The following VAV2 variants were observed in gnomAD, a reference collection of about 807,000 sequenced individuals.
The protein encoded by VAV2 is vav guanine nucleotide exchange factor 2.
In VAV2, 67 loss-of-function variants were observed where a neutral mutation model predicts 132.5. That is an observed-to-expected ratio of 0.51 (90% CI 0.42 to 0.62). The LOEUF (loss-of-function observed/expected upper bound fraction) is 0.62, where lower values mean the gene tolerates loss of function less well. Ranked by LOEUF, VAV2 falls within the 20% of genes least tolerant of loss-of-function variation. The pLI is 0.00. For synonymous variants in VAV2, 492 were observed against 443.5 expected (o/e 1.11, Z -1.37); for missense variants, 938 against 1,153.6 (o/e 0.81, Z 2.71).
At position 133,768,312 on chromosome 9, in the gene VAV2, G is replaced by T; in HGVS notation, c.2589+130C>A. 2 of 1,300,044 alleles carry T rather than the reference G, an allele frequency of 1.5e-6. No individual in the cohort carries two copies. Among genetic ancestry groups the T allele is most frequent in the Non-Finnish European group, 2.1e-6 (2 of 959,110 alleles). 80.5% of individuals were successfully genotyped at this position (1,300,044 alleles called of 1,614,324 possible). A position where few individuals can be genotyped will look rare whatever the true frequency, so the allele number is the denominator to read the frequency against. On this transcript the variant is annotated intron_variant, in intron 29 of 29. Transcript: ENST00000371850. This position sits in a 1 kb window ranked among gnomAD's most constrained non-coding sequence, Gnocchi z 5.3. ...ACCTTCTGGGCTGCTGTGAGGATGA[G>T]GGAGATTGCAGAGGGTGTCTGGAAC...
At chr9:133,771,871 G>T in intron 26 of VAV2, 88 bp downstream of exon 26, 1 of 1,269,866 alleles carries the variant, frequency 7.9e-7, no homozygotes, top group Non-Finnish European at 1.1e-6. Flanking sequence ...AATCCTCACA[G>T]AAAACATGGC....
At chr9:133,915,510 C>T (rs879818625) in intron 2 of VAV2, among the ~76,000 whole-genome samples, 1 of 152,226 alleles carries the variant, frequency 6.6e-6, no homozygotes, top group African/African-American at 2.4e-5. Flanking sequence ...ACCCTGAAAA[C>T]AGGAGCCCTC....
At chr9:133,805,462 C>T (rs1468837547) in intron 9 of VAV2, among the ~76,000 whole-genome samples, 1 of 152,176 alleles carries the variant, frequency 6.6e-6, no homozygotes, top group African/African-American at 2.4e-5. Flanking sequence ...ATCTCCCCAG[C>T]CTCTGACAGC....
At chr9:133,889,563 A>C (rs1838848639) in intron 2 of VAV2, among the ~76,000 whole-genome samples, 1 of 152,178 alleles carries the variant, frequency 6.6e-6, no homozygotes, top group Admixed American at 6.5e-5. Context: ...GCCTTGGGGC[A>C]GGTGTGGGCA....
At chr9:133,893,295 G>A (rs1397603151) in intron 2 of VAV2, among the ~76,000 whole-genome samples, 1 of 152,220 alleles carries the variant, frequency 6.6e-6, no homozygotes, top group Non-Finnish European at 1.5e-5. Flanking sequence ...GGCTGAAGAG[G>A]AAGGGAAGAA....
At chr9:133,817,849 C>A (rs1835621709) in intron 4 of VAV2, among the ~76,000 whole-genome samples, 1 of 152,128 alleles carries the variant, frequency 6.6e-6, no homozygotes, top group Non-Finnish European at 1.5e-5. Flanking sequence ...TCCTCTAAGT[C>A]CGTGACCGTA....
chr9:133,955,912 T>C (rs2132202313), intron 1 of VAV2, among the ~76,000 whole-genome samples: 1 of 149,436 alleles, frequency 6.7e-6, no homozygotes, highest in South Asian at 2.2e-4. Flanking sequence ...TTCCTGCCGC[T>C]TCCGCTCAGC....
chr9:133,844,196 T>C (rs969429774), intron 3 of VAV2, among the ~76,000 whole-genome samples: 1 of 152,176 alleles, frequency 6.6e-6, no homozygotes, highest in Non-Finnish European at 1.5e-5. Flanking sequence ...CAGAGGAATG[T>C]GACTTCTCAG....
chr9:133,914,318 G>A (rs1394390557), intron 2 of VAV2, among the ~76,000 whole-genome samples: 1 of 152,098 alleles, frequency 6.6e-6, no homozygotes, highest in East Asian at 1.9e-4. Flanking sequence ...ACCGGGACAC[G>A]AATGTCCCCA....
At chr9:133,817,143 C>T (rs1564374678) in intron 4 of VAV2, among the ~76,000 whole-genome samples, 1 of 152,194 alleles carries the variant, frequency 6.6e-6, no homozygotes, top group Non-Finnish European at 1.5e-5. Context: ...TTAAGTCTTC[C>T]TTAATTTCTC....
At chr9:133,898,908 G>A (rs1839329336) in intron 2 of VAV2, among the ~76,000 whole-genome samples, 1 of 145,518 alleles carries the variant, frequency 6.9e-6, no homozygotes, top group African/African-American at 2.6e-5. Context: ...TGCAAGCTCC[G>A]CCTCCAGGGT....
At chr9:133,855,927 G>A (rs918741287) in intron 3 of VAV2, among the ~76,000 whole-genome samples, 5 of 152,210 alleles carry the variant, frequency 3.3e-5, no homozygotes, top group Non-Finnish European at 5.9e-5. Flanking sequence ...CGTGATAAAC[G>A]GATACGCAAA....
intron 29 of VAV2, among the ~76,000 whole-genome samples, chr9:133,767,018 G>A (rs1833461103): frequency 6.6e-6 from 1 of 151,770 alleles, no homozygotes. Context: ...CCAATGTAGG[G>A]CAGGGGAAGT....
At position 133,823,026 on chromosome 9, in the gene VAV2, G is replaced by T. The variant is rs1339101960; in HGVS notation, c.450-10810C>A. On this transcript the variant is annotated intron_variant, in intron 4 of 29. Coordinates refer to ENST00000371850, the MANE Select transcript of VAV2 (RefSeq NM_001134398.2). This position sits in a 1 kb window ranked among gnomAD's most constrained non-coding sequence, Gnocchi z 5.5. ...CTGAGATGAAGCGGCAAAGCCCAGGGCCTGGCTCTCAGGGGACAGGAGCAG... is the reference window on the plus strand; with the variant it reads ...CTGAGATGAAGCGGCAAAGCCCAGGTCCTGGCTCTCAGGGGACAGGAGCAG... Among the ~76,000 whole-genome samples the T allele has an allele frequency of 2.0e-5, 3 of 152,212 alleles. No homozygotes were observed. The East Asian group carries it at 5.8e-4, about 29-fold the overall frequency.
intron 2 of VAV2, among the ~76,000 whole-genome samples, chr9:133,894,068 C>T (rs1839094899): frequency 6.6e-6 from 1 of 152,232 alleles, no homozygotes. Context: ...ATCCATCCCC[C>T]ACTCCCCGCC....
chr9:133,922,034 T>C (rs1203767250), intron 2 of VAV2, among the ~76,000 whole-genome samples: 2 of 152,228 alleles, frequency 1.3e-5, no homozygotes, highest in Non-Finnish European at 2.9e-5. Context: ...GCAGACGCCA[T>C]GCATGCAGGC....
At chr9:133,929,268 C>T (rs930178596) in intron 2 of VAV2, among the ~76,000 whole-genome samples, 9 of 152,024 alleles carry the variant, frequency 5.9e-5, no homozygotes, top group South Asian at 2.1e-4. Context: ...AGTTCAAGTC[C>T]GGACAGTGGT....
At chr9:133,905,066 G>A (rs1839592001) in intron 2 of VAV2, among the ~76,000 whole-genome samples, 1 of 152,134 alleles carries the variant, frequency 6.6e-6, no homozygotes, top group African/African-American at 2.4e-5. Flanking sequence ...AGGGCGGGGG[G>A]CTCTGAGCAG....
At chr9:133,989,656 G>A (rs1032721259) in intron 1 of VAV2, among the ~76,000 whole-genome samples, 5 of 152,162 alleles carry the variant, frequency 3.3e-5, no homozygotes, top group African/African-American at 9.7e-5. Context: ...CCGCACTCCA[G>A]CCTGGGCGAC....
Sources: gnomAD v4.1 joint callset for allele counts (sites outside exome capture counted in the v4.1 genomes callset) on GRCh38, gnomAD v4.1.1 for gene constraint, Gnocchi (gnomAD v3.1) non-coding constraint, MANE v1.5 for transcripts, NCBI Gene and HGNC (gene_info 2026-07-23, HGNC 2026-07-21) for gene names.